ACKR2: variants seen among roughly 807,000 people sequenced by gnomAD.
The protein encoded by ACKR2 is C-C chemokine receptor D6.
For synonymous variants in ACKR2, 207 were observed against 192.2 expected (o/e 1.08, Z -0.64); for missense variants, 457 against 477.3 (o/e 0.96, Z 0.40).
At chr3:42,839,626 A>G (rs1701017365) in intron 2 of ACKR2, among the ~76,000 whole-genome samples, 1 of 152,184 alleles carries the variant, frequency 6.6e-6, no homozygotes, top group South Asian at 2.1e-4. Context: ...GTTAGAAGTC[A>G]GGAGAGTTGC....
In ACKR2 at chr3:42,860,182, A is replaced by AC. The variant is rs2088368869; in HGVS notation, c.-37-4284_-37-4283insC. ...TGGAAAGCAAAAAAAAAAAAAAAAAAAAAAAAAGCAGGGGATGCAATCCTA... is the reference window on the plus strand; with the variant it reads ...TGGAAAGCAAAAAAAAAAAAAAAAAACAAAAAAAGCAGGGGATGCAATCCTA... On this transcript the variant is annotated intron_variant, in intron 2 of 2. Coordinates refer to ENST00000422265, the MANE Select transcript of ACKR2 (RefSeq NM_001296.5). 9.0e-5 allele frequency among the ~76,000 whole-genome samples: 13 copies of AC among 144,640 alleles called. 1 individual carries two copies. The highest frequency in any genetic ancestry group is 2.2e-4 in the South Asian group (1 of 4,502). The allele number at this position is 144,640 out of a possible 152,430, so 94.9% of individuals were successfully genotyped here.
intron 1 of ACKR2, among the ~76,000 whole-genome samples, chr3:42,809,836 T>C (rs1700676953): frequency 6.7e-6 from 1 of 149,914 alleles, no homozygotes; most frequent in Non-Finnish European, 1.5e-5. Flanking sequence ...TACTCCAGCC[T>C]GGGCAACAAA....
rs189998409 is a variant in ACKR2 at position 42,838,923 on chromosome 3, G to A, written c.-38+19212G>A. Among the ~76,000 whole-genome samples the A allele has an allele frequency of 2.6e-5, 4 of 152,294 alleles. No individual in the cohort carries two copies. The East Asian group carries it at 7.7e-4, about 29-fold the overall frequency. On this transcript the variant is annotated intron_variant, in intron 2 of 2. Coordinates refer to ENST00000422265, the MANE Select transcript of ACKR2 (RefSeq NM_001296.5). ...TTGGTAGTATTTGCCAAAGTCAAACGTCCTCGAAACATACCCAACAGAAAA... is the reference window on the plus strand; with the variant it reads ...TTGGTAGTATTTGCCAAAGTCAAACATCCTCGAAACATACCCAACAGAAAA...
intron 2 of ACKR2, among the ~76,000 whole-genome samples, chr3:42,821,057 T>G (rs1267062291): frequency 6.6e-6 from 1 of 152,064 alleles, no homozygotes; most frequent in Admixed American, 6.6e-5. Context: ...GCTAATTTTT[T>G]AAATTTTTAG....
intron 1 of ACKR2, among the ~76,000 whole-genome samples, chr3:42,818,388 G>A (rs1325475512): frequency 6.6e-6 from 1 of 152,190 alleles, no homozygotes; most frequent in African/African-American, 2.4e-5. Context: ...ATGACCAGGG[G>A]TCAGCTCTAT....
In ACKR2 at chr3:42,846,756, T is replaced by C. The variant is rs537661419; in HGVS notation, c.-37-17710T>C. 7.9e-5 allele frequency among the ~76,000 whole-genome samples: 12 copies of C among 152,250 alleles called. No homozygotes were observed. The South Asian group carries it at 2.5e-3, about 32-fold the overall frequency. On this transcript the variant is annotated intron_variant, in intron 2 of 2. Coordinates refer to ENST00000422265, the MANE Select transcript of ACKR2 (RefSeq NM_001296.5). ...AAGAGCAAGTAATTCTAGGAAGGCTTTCTACATCAAAGCCTGCATTCTCCC... is the reference window on the plus strand; with the variant it reads ...AAGAGCAAGTAATTCTAGGAAGGCTCTCTACATCAAAGCCTGCATTCTCCC...
At chr3:42,863,584 A>G (rs915188840) in intron 2 of ACKR2, among the ~76,000 whole-genome samples, 2 of 152,366 alleles carry the variant, frequency 1.3e-5, no homozygotes, top group African/African-American at 2.4e-5. Flanking sequence ...AGCACTGTTC[A>G]CAATAGCAAA....
chr3:42,854,007 C>T (rs781070935), intron 2 of ACKR2, among the ~76,000 whole-genome samples: 3 of 152,100 alleles, frequency 2.0e-5, no homozygotes, highest in Non-Finnish European at 4.4e-5. Flanking sequence ...GCTTTCAGCC[C>T]CTGAGGGACC....
At chr3:42,813,395 A>T (rs1476655086) in intron 1 of ACKR2, among the ~76,000 whole-genome samples, 1 of 152,214 alleles carries the variant, frequency 6.6e-6, no homozygotes, top group Non-Finnish European at 1.5e-5. Flanking sequence ...AAGAGGTTTA[A>T]TTGACTCACA....
At chr3:42,862,114 C>A (rs190037967) in intron 2 of ACKR2, among the ~76,000 whole-genome samples, 1 of 152,198 alleles carries the variant, frequency 6.6e-6, no homozygotes, top group African/African-American at 2.4e-5. Flanking sequence ...TTTAGAAAAC[C>A]CCATCGCCTC....
intron 2 of ACKR2, among the ~76,000 whole-genome samples, chr3:42,840,621 C>T (rs917090824): frequency 8.5e-5 from 13 of 152,286 alleles, no homozygotes; most frequent in Non-Finnish European, 1.2e-4. Context: ...AATTCCAGTC[C>T]GTCTGGGTCC....
At chr3:42,861,579 C>A (rs1464820562) in intron 2 of ACKR2, among the ~76,000 whole-genome samples, 1 of 152,168 alleles carries the variant, frequency 6.6e-6, no homozygotes, top group African/African-American at 2.4e-5. Flanking sequence ...AATTTCAGGC[C>A]AATATCCCTG....
At chr3:42,844,367 C>T (rs1334240756) in intron 2 of ACKR2, among the ~76,000 whole-genome samples, 2 of 152,018 alleles carry the variant, frequency 1.3e-5, no homozygotes, top group African/African-American at 4.8e-5. Context: ...GCAGTGCACA[C>T]ACCTTGGAGT....
At chr3:42,823,915 AG>A (rs1700835747) in intron 2 of ACKR2, among the ~76,000 whole-genome samples, 1 of 152,226 alleles carries the variant, frequency 6.6e-6, no homozygotes, top group African/African-American at 2.4e-5. Flanking sequence ...AGACAATCAC[AG>A]TCGTCCCTTC....
chr3:42,828,650 G>T (rs778414501), intron 2 of ACKR2, among the ~76,000 whole-genome samples: 2 of 152,076 alleles, frequency 1.3e-5, no homozygotes, highest in Non-Finnish European at 2.9e-5. Flanking sequence ...GATTTGGAGC[G>T]GCGAATTTAT....
intron 2 of ACKR2, among the ~76,000 whole-genome samples, chr3:42,831,875 C>A (rs1700935408): frequency 6.6e-6 from 1 of 152,128 alleles, no homozygotes; most frequent in Non-Finnish European, 1.5e-5. Context: ...AATGCAATTA[C>A]TAGTAGGTGA....
chr3:42,811,559 G>A (rs1700695244), intron 1 of ACKR2, among the ~76,000 whole-genome samples: 1 of 152,198 alleles, frequency 6.6e-6, no homozygotes, highest in South Asian at 2.1e-4. Flanking sequence ...CCTGAGATAT[G>A]GCCTTGTGGG....
intron 2 of ACKR2, among the ~76,000 whole-genome samples, chr3:42,828,944 T>A (rs185647824): frequency 5.9e-5 from 9 of 152,266 alleles, no homozygotes; most frequent in African/African-American, 2.2e-4. Flanking sequence ...TTTATTGTGA[T>A]CATCATGGTC....
rs1290884168 is a variant in ACKR2 at position 42,865,420 on chromosome 3, C to T, written c.918C>T (p.Cys306=). 2.5e-6 allele frequency: 4 copies of T among 1,614,196 alleles called. No individual in the cohort carries two copies. The highest frequency in any genetic ancestry group is 3.4e-6 in the Non-Finnish European group (4 of 1,180,038). The change falls in exon 3 of 3, where the codon TGC becomes TGT. Residue 306 remains cysteine (C), a synonymous_variant. Transcript: ENST00000422265. The part of the protein sequence containing the change: ...VTESIAFLHC[C]FSPILYAFSS... ...AGAGCATCGCCTTCCTTCACTGCTGCTTTTCCCCCATCCTGTATGCCTTCT... is the reference window on the plus strand; with the variant it reads ...AGAGCATCGCCTTCCTTCACTGCTGTTTTTCCCCCATCCTGTATGCCTTCT...
Sources: allele counts gnomAD v4.1 joint callset (sites outside exome capture counted in the v4.1 genomes callset), GRCh38; gene constraint gnomAD v4.1.1; transcripts MANE v1.5; gene names NCBI Gene and HGNC (gene_info 2026-07-23, HGNC 2026-07-21).